IQCM: variants seen among roughly 807,000 people sequenced by gnomAD.
The protein encoded by IQCM is IQ domain-containing protein M.
In IQCM, 45 loss-of-function variants were observed where a neutral mutation model predicts 57.6. The observed-to-expected ratio is 0.78, with a 90% CI of 0.62 to 1.00. IQCM has a LOEUF of 1.00. IQCM is among the 50% of genes least tolerant of loss of function. The probability of loss-of-function intolerance (pLI) is 0.00; values close to 1 mark genes in which losing one functional copy is unlikely to be tolerated. For synonymous variants in IQCM, 148 were observed against 158.9 expected, an observed-to-expected ratio of 0.93 and a Z score of 0.51; for missense variants, 468 against 511.6, an observed-to-expected ratio of 0.91 and a Z score of 0.82.
chr4:149,374,577 G>T (rs1000777574), intron 13 of IQCM, among the ~76,000 whole-genome samples: 19 of 152,184 alleles, frequency 1.2e-4, no homozygotes, highest in African/African-American at 4.6e-4. Flanking sequence ...GCTTAGGAAT[G>T]TTATTTTGAT....
chr4:149,688,861 C>T (rs536882937), intron 5 of IQCM, among the ~76,000 whole-genome samples: 71 of 152,144 alleles, frequency 4.7e-4, no homozygotes, highest in African/African-American at 1.6e-3. Context: ...AAAGGACACC[C>T]TTTTCAACAA....
At chr4:149,613,755 T>C (rs1355550366) in intron 8 of IQCM, among the ~76,000 whole-genome samples, 1 of 152,094 alleles carries the variant, frequency 6.6e-6, no homozygotes, top group Non-Finnish European at 1.5e-5. Flanking sequence ...GTGTGTGATG[T>C]TTCCCTTCCC....
chr4:149,759,321 A>G (rs571393149), intron 2 of IQCM, among the ~76,000 whole-genome samples: 2 of 152,332 alleles, frequency 1.3e-5, no homozygotes, highest in South Asian at 2.1e-4. Context: ...TACACCACGT[A>G]ACGGTGAATA....
intron 8 of IQCM, among the ~76,000 whole-genome samples, chr4:149,616,803 T>C (rs1048442101): frequency 2.0e-5 from 3 of 151,934 alleles, no homozygotes; most frequent in Admixed American, 6.6e-5. Flanking sequence ...TTAAAACCTA[T>C]GTTCCAGGTT....
At chr4:149,765,537 G>A (rs544267824) in intron 2 of IQCM, among the ~76,000 whole-genome samples, 39 of 152,084 alleles carry the variant, frequency 2.6e-4, no homozygotes, top group African/African-American at 9.2e-4. Context: ...GATGATAATA[G>A]TCCCTTCCCA....
intron 2 of IQCM, among the ~76,000 whole-genome samples, chr4:149,807,377 A>T (rs1044558827): frequency 6.6e-6 from 1 of 152,088 alleles, no homozygotes; most frequent in Non-Finnish European, 1.5e-5. Context: ...CTAGATATCC[A>T]TATGTAGAAG....
chr4:149,727,854 G>A (rs528030842), intron 5 of IQCM, among the ~76,000 whole-genome samples: 7 of 152,308 alleles, frequency 4.6e-5, no homozygotes, highest in East Asian at 1.9e-4. Flanking sequence ...TGTTTGACAC[G>A]GCCTGCATGC....
chr4:149,592,386 C>A (rs952218510), intron 8 of IQCM, among the ~76,000 whole-genome samples: 3 of 151,882 alleles, frequency 2.0e-5, no homozygotes, highest in African/African-American at 7.2e-5. Context: ...GATTGCAAAA[C>A]TTTTCTCCCA....
At chr4:149,427,067 T>A (rs904985923) in intron 13 of IQCM, among the ~76,000 whole-genome samples, 7 of 151,828 alleles carry the variant, frequency 4.6e-5, no homozygotes, top group Non-Finnish European at 1.0e-4. Flanking sequence ...GTGTCATCCT[T>A]TTTTTTAATT....
intron 2 of IQCM, among the ~76,000 whole-genome samples, chr4:149,807,455 G>T (rs1774191342): frequency 6.6e-6 from 1 of 152,006 alleles, no homozygotes; most frequent in African/African-American, 2.4e-5. Flanking sequence ...AGACTTAAAT[G>T]TAAGAACTGA....
chr4:149,605,095 A>G (rs1477108572), intron 8 of IQCM, among the ~76,000 whole-genome samples: 1 of 152,208 alleles, frequency 6.6e-6, no homozygotes, highest in Non-Finnish European at 1.5e-5. Flanking sequence ...GTATGGGCCT[A>G]GTGCTCCCCA....
rs1491587578 is a variant in IQCM at position 149,368,805 on chromosome 4, CAT to C, written c.1391-16741_1391-16740del. On this transcript the variant is annotated intron_variant, in intron 13 of 13. Transcript: ENST00000636793. ...ACATGTATATATATACATATATATA[CAT>C]GTATATATATACATATATATACATG... Among the ~76,000 whole-genome samples the C allele has an allele frequency of 1.5e-4, 16 of 107,954 alleles. 1 individual carries two copies. In the East Asian group the frequency reaches 1.9e-3, roughly 13 times the overall value. The allele number at this position is 107,954 out of a possible 152,430, so 70.8% of individuals were successfully genotyped here. A position where few individuals can be genotyped will look rare whatever the true frequency, so the allele number is the denominator to read the frequency against.
chr4:149,599,645 T>C (rs922277033), intron 8 of IQCM, among the ~76,000 whole-genome samples: 4 of 152,086 alleles, frequency 2.6e-5, no homozygotes, highest in Non-Finnish European at 4.4e-5. Flanking sequence ...TGAGCTTAAA[T>C]TGAGCATATC....
chr4:149,642,910 G>A (rs1561096171), intron 7 of IQCM, among the ~76,000 whole-genome samples: 1 of 152,026 alleles, frequency 6.6e-6, no homozygotes, highest in Non-Finnish European at 1.5e-5. Context: ...TTACTTAGCA[G>A]AACTCATACA....
intron 13 of IQCM, among the ~76,000 whole-genome samples, chr4:149,409,268 G>T (rs1486683268): frequency 6.6e-6 from 1 of 152,206 alleles, no homozygotes; most frequent in African/African-American, 2.4e-5. Context: ...AAGCATGTGT[G>T]AATTGACAGA....
At chr4:149,614,511 T>C (rs1325620920) in intron 8 of IQCM, among the ~76,000 whole-genome samples, 1 of 152,134 alleles carries the variant, frequency 6.6e-6, no homozygotes, top group Non-Finnish European at 1.5e-5. Context: ...ACAACTGTCC[T>C]TTCTGGGGCT....
intron 2 of IQCM, among the ~76,000 whole-genome samples, chr4:149,785,018 G>A (rs1335272890): frequency 1.3e-5 from 2 of 152,148 alleles, no homozygotes; most frequent in African/African-American, 4.8e-5. Context: ...TAACAGATAC[G>A]AAGAGTAAAG....
intron 8 of IQCM, among the ~76,000 whole-genome samples, chr4:149,590,561 C>T (rs1390026230): frequency 6.6e-6 from 1 of 151,932 alleles, no homozygotes; most frequent in East Asian, 1.9e-4. Context: ...ATCAATCCAT[C>T]ATCTGCATTA....
chr4:149,559,535 C>T (rs900159697), intron 10 of IQCM, among the ~76,000 whole-genome samples: 7 of 152,156 alleles, frequency 4.6e-5, no homozygotes, highest in Non-Finnish European at 1.0e-4. Context: ...CCAATTGCCA[C>T]ATCAAACACA....
Sources: allele counts gnomAD v4.1 joint callset (sites outside exome capture counted in the v4.1 genomes callset), GRCh38; gene constraint gnomAD v4.1.1; transcripts MANE v1.5; gene names NCBI Gene and HGNC (gene_info 2026-07-23, HGNC 2026-07-21).